The following CFAP54 variants were observed in gnomAD, a reference collection of about 807,000 sequenced individuals.
CFAP54 encodes cilia and flagella associated protein 54.
A neutral mutation model predicts 370.4 loss-of-function variants in CFAP54; 290 were observed. The ratio of observed to expected loss-of-function variants is 0.78; its 90% CI spans 0.71 to 0.86. CFAP54 has a LOEUF of 0.86. Among genes scored for constraint, CFAP54 ranks in the 40% least tolerant of loss-of-function variants. The probability of loss-of-function intolerance (pLI) is 0.00; values close to 1 mark genes in which losing one functional copy is unlikely to be tolerated. For synonymous variants in CFAP54, 1,206 were observed against 1,236.5 expected (o/e 0.98, Z 0.52); for missense variants, 3,399 against 3,528.7 (o/e 0.96, Z 0.93).
At chr12:96,655,428 G>T (rs1161237881) in intron 36 of CFAP54, among the ~76,000 whole-genome samples, 1 of 152,030 alleles carries the variant, frequency 6.6e-6, no homozygotes, top group Non-Finnish European at 1.5e-5. Flanking sequence ...AATGAAGAAA[G>T]GATGTTGGAA....
chr12:96,559,651 A>G (rs1392343396), intron 17 of CFAP54, among the ~76,000 whole-genome samples: 1 of 152,112 alleles, frequency 6.6e-6, no homozygotes, highest in Non-Finnish European at 1.5e-5. Flanking sequence ...TCAATATCAT[A>G]TTATGTATGT....
intron 36 of CFAP54, among the ~76,000 whole-genome samples, chr12:96,652,463 G>C (rs1249074628): frequency 1.3e-5 from 2 of 152,142 alleles, no homozygotes; most frequent in East Asian, 3.8e-4. Context: ...TGATAAGAAT[G>C]TATTTAATGA....
intron 26 of CFAP54, among the ~76,000 whole-genome samples, chr12:96,611,529 T>C (rs965129464): frequency 2.6e-5 from 4 of 152,376 alleles, no homozygotes; most frequent in Admixed American, 1.3e-4. Flanking sequence ...GGAACAAAGC[T>C]GGACGGAGAA....
chr12:96,527,740 T>C (rs1329996849), intron 9 of CFAP54, among the ~76,000 whole-genome samples: 2 of 152,058 alleles, frequency 1.3e-5, no homozygotes, highest in Non-Finnish European at 2.9e-5. Flanking sequence ...GGCTAATTTT[T>C]GTATTTTTTG....
At chr12:96,663,391 C>G (rs1957018991) in intron 38 of CFAP54, among the ~76,000 whole-genome samples, 1 of 152,072 alleles carries the variant, frequency 6.6e-6, no homozygotes, top group African/African-American at 2.4e-5. Context: ...GGACTCATAT[C>G]TGTTAGAAAA....
intron 26 of CFAP54, 85 bp downstream of exon 26, chr12:96,598,852 A>G (rs1424354292): frequency 5.0e-6 from 2 of 401,976 alleles, no homozygotes; most frequent in Non-Finnish European, 8.8e-6. Flanking sequence ...CAATAAGAAC[A>G]CTTTTAAAAA....
intron 50 of CFAP54, among the ~76,000 whole-genome samples, chr12:96,726,653 G>C (rs1209790991): frequency 6.6e-6 from 1 of 151,594 alleles, no homozygotes. Context: ...TTTTTTGAAG[G>C]GTTTTTTGTG....
At position 96,708,945 on chromosome 12, in the gene CFAP54, C is replaced by T. The variant is rs1431793455; in HGVS notation, c.6724+142C>T. 1.4e-5 allele frequency: 9 copies of T among 662,846 alleles called. No individual in the cohort carries two copies. The East Asian group carries it at 2.3e-4, about 17-fold the overall frequency. 41.1% of individuals were successfully genotyped at this position (662,846 alleles called of 1,614,324 possible). A position where few individuals can be genotyped will look rare whatever the true frequency, so the allele number is the denominator to read the frequency against. ...GCTTATATAATGACACACATATGTACTTATGTCTAGGTGTATGCATACACA... is the reference window on the plus strand; with the variant it reads ...GCTTATATAATGACACACATATGTATTTATGTCTAGGTGTATGCATACACA... On this transcript the variant is annotated intron_variant, in intron 48 of 67. Coordinates refer to ENST00000524981, the MANE Select transcript of CFAP54 (RefSeq NM_001306084.2).
At chr12:96,723,198 T>A (rs1255319968) in intron 50 of CFAP54, among the ~76,000 whole-genome samples, 1 of 152,072 alleles carries the variant, frequency 6.6e-6, no homozygotes, top group Non-Finnish European at 1.5e-5. Flanking sequence ...ATGATAAGAA[T>A]AATACAAATT....
chr12:96,826,064 ACATTTACCAG>A (rs1959098702), intron 65 of CFAP54, among the ~76,000 whole-genome samples: 1 of 145,304 alleles, frequency 6.9e-6, no homozygotes, highest in Non-Finnish European at 1.5e-5. Context: ...ATATACACAC[ACATTTACCAG>A]CATTTAGAAT....
chr12:96,718,609 C>A, intron 49 of CFAP54, 87 bp downstream of exon 49: 1 of 769,646 alleles, frequency 1.3e-6, no homozygotes, highest in Admixed American at 2.7e-5. Flanking sequence ...CAGAGTTATG[C>A]TTGCTCTTGT....
At chr12:96,696,730 G>T (rs1035767450) in intron 45 of CFAP54, among the ~76,000 whole-genome samples, 1 of 152,090 alleles carries the variant, frequency 6.6e-6, no homozygotes, top group Non-Finnish European at 1.5e-5. Context: ...GATCTTATTG[G>T]CATAGTAGGA....
At chr12:96,732,934 C>T (rs768448151) in intron 50 of CFAP54, among the ~76,000 whole-genome samples, 4 of 152,004 alleles carry the variant, frequency 2.6e-5, no homozygotes, top group Non-Finnish European at 4.4e-5. Context: ...TTCATTCTTT[C>T]CCCAGCTCTC....
chr12:96,679,758 A>G lies in CFAP54; in HGVS notation c.5716+6A>G, dbSNP rs749231984. The G allele has an allele frequency of 6.8e-6, 11 of 1,611,586 alleles. No homozygotes were observed. In the Admixed American group the frequency reaches 1.8e-4, roughly 27 times the overall value. On this transcript the variant is annotated splice_donor_region_variant and intron_variant, in intron 40 of 67. Transcript: ENST00000524981. ...ATTTCTTGCACAGACACAAGGTAAA[A>G]TGCATGTTCTGTATCTCTGAATCTT...
chr12:96,739,049 A>T (rs141456231), intron 50 of CFAP54, among the ~76,000 whole-genome samples: 7 of 152,342 alleles, frequency 4.6e-5, no homozygotes, highest in African/African-American at 1.7e-4. Context: ...TAAGACCTCA[A>T]CATACCTTTT....
rs758598194 is a variant in CFAP54 at position 96,756,527 on chromosome 12, C to G, written c.7910C>G (p.Ala2637Gly). Residue 2637 changes from alanine (A) to glycine (G), a missense_variant, in exon 57 of 68, where the codon GCT becomes GGT. By Grantham distance (60) the Ala-to-Gly change is moderately conservative. This residue lies in a region of CFAP54 where 2,796 missense variants were observed against 2,869.7 expected (regional missense o/e 0.97). Coordinates refer to ENST00000524981, the MANE Select transcript of CFAP54 (RefSeq NM_001306084.2). ...TTTCAACTTGAGAGTTTATATGAAGCTATACAACTAAGCCTGAAAAATGAT... is the reference window on the plus strand; with the variant it reads ...TTTCAACTTGAGAGTTTATATGAAGGTATACAACTAAGCCTGAAAAATGAT... ...PSFQLESLYE[A>G]IQLSLKNDQN... 13 of 1,604,938 alleles carry G rather than the reference C, an allele frequency of 8.1e-6. No homozygotes were observed. Among genetic ancestry groups the G allele is most frequent in the Middle Eastern group, 1.7e-4 (1 of 6,058 alleles).
intron 19 of CFAP54, 60 bp downstream of exon 19, chr12:96,564,825 T>C (rs1473468185): frequency 9.5e-6 from 5 of 527,054 alleles, no homozygotes; most frequent in Non-Finnish European, 1.6e-5. Flanking sequence ...AAATGAATGA[T>C]TCATTTCCTT....
chr12:96,743,799 C>A lies in CFAP54; in HGVS notation c.7446C>A (p.Ser2482Arg). ...AATCACGGCTAACCCTGGCAAGAAGCCTAGTTTTGCTGGATGACTTAACCA... is the reference window on the plus strand; with the variant it reads ...AATCACGGCTAACCCTGGCAAGAAGACTAGTTTTGCTGGATGACTTAACCA... ...SPQSRLTLARSLVLLDDLTKA... is the reference protein window; with the variant it reads ...SPQSRLTLARRLVLLDDLTKA... The change falls in exon 54 of 68, where the codon AGC (serine) becomes AGA (arginine). Residue 2482 changes from serine (S) to arginine (R), a missense_variant. Around this residue, in one of 3 missense-constraint regions of CFAP54, gnomAD observed 2,796 missense variants for 2,869.7 expected, o/e 0.97. Transcript: ENST00000524981. 1 of 1,613,822 alleles carries A rather than the reference C, an allele frequency of 6.2e-7. No individual in the cohort carries two copies. Among genetic ancestry groups the A allele is most frequent in the South Asian group, 1.1e-5 (1 of 91,056 alleles).
chr12:96,517,641 T>C (rs1391290515), intron 5 of CFAP54, among the ~76,000 whole-genome samples: 1 of 152,180 alleles, frequency 6.6e-6, no homozygotes, highest in Admixed American at 6.5e-5. Flanking sequence ...TTCACAACAA[T>C]AGCAATGACA....
Sources: gnomAD v4.1 joint callset for allele counts (sites outside exome capture counted in the v4.1 genomes callset) on GRCh38, gnomAD v4.1.1 for gene constraint, gnomAD v4.1.1 regional missense constraint, MANE v1.5 for transcripts, NCBI Gene and HGNC (gene_info 2026-07-23, HGNC 2026-07-21) for gene names.